The following PRAMEF20 variants were observed in gnomAD, a reference collection of about 807,000 sequenced individuals.
PRAMEF20 encodes the protein PRAME family member 20/21.
Under a neutral mutation model 32.4 loss-of-function variants are expected in PRAMEF20, and 27 were observed. The observed-to-expected ratio is 0.83, with a 90% CI of 0.61 to 1.15. PRAMEF20 has a LOEUF of 1.15. Ranked by LOEUF, PRAMEF20 falls within the 50% of genes most tolerant of loss-of-function variation. The pLI is 0.00. For missense variants in PRAMEF20, 604 were observed against 584.5 expected, an observed-to-expected ratio of 1.03 and a Z score of -0.34; for synonymous variants, 256 against 235.4, an observed-to-expected ratio of 1.09 and a Z score of -0.80.
chr1:13,413,674 T>G (rs2100429080), upstream of PRAMEF20, among the ~76,000 whole-genome samples: 1 of 152,194 alleles, frequency 6.6e-6, no homozygotes, highest in South Asian at 2.1e-4. Flanking sequence ...CAAGGTGTTT[T>G]CTGATTGGCA....
At chr1:13,411,112 C>T in the PRAMEF20 span, among the ~76,000 whole-genome samples, 1 of 152,292 alleles carries the variant, frequency 6.6e-6, no homozygotes, top group Non-Finnish European at 1.5e-5. Context: ...CCCACCTTGG[C>T]CTCCCAAAGT....
chr1:13,417,972 C>T (rs1641200229), intron 1 of PRAMEF20, 150 bp from the exon 3 acceptor site: 4 of 1,074,388 alleles, frequency 3.7e-6, no homozygotes, highest in East Asian at 5.5e-5. Flanking sequence ...GACGGGGTTT[C>T]ACCATGCTAG....
upstream of PRAMEF20, among the ~76,000 whole-genome samples, chr1:13,414,208 ATTT>A (rs149194621): frequency 0.012 from 1,528 of 123,190 alleles, 21 homozygotes; most frequent in African/African-American, 0.036. Context: ...CACCTGACTA[ATTT>A]TTTTTTTTTT....
chr1:13,414,616 G>A (rs914320350), upstream of PRAMEF20, among the ~76,000 whole-genome samples: 8 of 151,880 alleles, frequency 5.3e-5, no homozygotes, highest in South Asian at 2.1e-4. Flanking sequence ...ATGCCACCAC[G>A]CCCAGCTAAT....
At chr1:13,416,477 G>A (rs1299707271) in exon 1 of PRAMEF20, 2 of 1,614,102 alleles carry the variant, frequency 1.2e-6, no homozygotes, top group East Asian at 4.5e-5. Flanking sequence ...CATTGTTCAT[G>A]GAGGCCTTCA....
rs1206456194 is a variant in PRAMEF20 at position 13,418,161 on chromosome 1, TGA to T, written c.330_331del (p.Asn111LeufsTer7). The stretch of plus-strand genomic sequence containing the variant: ...AAGTGCTGGATTTACAGGATGTCAG[TGA>T]GAACTTCTGGATGGTTTGGTCTGAA... On this transcript the variant is annotated frameshift_variant, in exon 2 of 3. Coordinates refer to ENST00000602960, the Ensembl canonical transcript of PRAMEF20. LOFTEE classifies it high-confidence loss of function. 1.2e-6 allele frequency: 2 copies of T among 1,613,190 alleles called. No individual in the cohort carries two copies. The highest frequency in any genetic ancestry group is 4.5e-5 in the East Asian group (2 of 44,856).
At chr1:13,411,457 T>C (rs1641113509), upstream of PRAMEF20, among the ~76,000 whole-genome samples, 1 of 152,144 alleles carries the variant, frequency 6.6e-6, no homozygotes, top group African/African-American at 2.4e-5. Context: ...TAGAAGTCTC[T>C]ACATGCTAGC....
At chr1:13,415,554 G>A (rs1171547354), upstream of PRAMEF20, among the ~76,000 whole-genome samples, 2 of 152,130 alleles carry the variant, frequency 1.3e-5, no homozygotes, top group African/African-American at 4.8e-5. Flanking sequence ...GCCAAGGTGG[G>A]TGGATTGCTT....
At chr1:13,418,816 T>C in intron 2 of PRAMEF20, 116 bp downstream of exon 3, 1 of 1,556,894 alleles carries the variant, frequency 6.4e-7, no homozygotes, top group Non-Finnish European at 8.7e-7. Context: ...CACTAGAATG[T>C]CAGTGCATTT....
intron 1 of PRAMEF20, among the ~76,000 whole-genome samples, chr1:13,417,268 A>G (rs1302646668): frequency 2.0e-5 from 3 of 151,958 alleles, no homozygotes; most frequent in Non-Finnish European, 4.4e-5. Context: ...CTTTTTTTCA[A>G]TCATCCCCAC....
chr1:13,416,367 A>C, exon 1 of PRAMEF20: 1 of 1,612,668 alleles, frequency 6.2e-7, no homozygotes, highest in Non-Finnish European at 8.5e-7. Flanking sequence ...GAGCATCCGG[A>C]CTCCACCCAG....
At chr1:13,414,208 A>T (rs991049650), upstream of PRAMEF20, among the ~76,000 whole-genome samples, 13 of 123,278 alleles carry the variant, frequency 1.1e-4, no homozygotes, top group African/African-American at 3.6e-4. Context: ...CACCTGACTA[A>T]TTTTTTTTTT....
At chr1:13,415,071 T>C (rs1398084183), upstream of PRAMEF20, among the ~76,000 whole-genome samples, 3 of 152,096 alleles carry the variant, frequency 2.0e-5, no homozygotes, top group African/African-American at 4.8e-5. Flanking sequence ...CCTTATGCTC[T>C]ATCCAAAGTG....
upstream of PRAMEF20, among the ~76,000 whole-genome samples, chr1:13,411,500 G>A (rs1030262313): frequency 4.6e-5 from 7 of 151,996 alleles, no homozygotes; most frequent in African/African-American, 9.7e-5. Context: ...CTACAATTGC[G>A]GTTTTGTAAG....
the PRAMEF20 span, among the ~76,000 whole-genome samples, chr1:13,411,338 C>G: frequency 1.3e-4 from 20 of 151,838 alleles, no homozygotes; most frequent in Non-Finnish European, 2.5e-4. Context: ...GCCCCCTCCC[C>G]CCCACCGCCA....
chr1:13,421,047 A>AC lies in PRAMEF20; in HGVS notation c.1218dup (p.Cys408MetfsTer13), dbSNP rs1273568337. 3 of 1,613,758 alleles carry AC rather than the reference A, an allele frequency of 1.9e-6. No homozygotes were observed. The highest frequency in any genetic ancestry group is 2.5e-6 in the Non-Finnish European group (3 of 1,179,862). On this transcript the variant is annotated frameshift_variant, in exon 3 of 3. Transcript: ENST00000602960. LOFTEE classifies it high-confidence loss of function. The stretch of plus-strand genomic sequence containing the variant: ...CTGTGCCACACAATCAGACTCAACA[A>AC]CTTATGCCTGGAGCTGTATCCTGCC...
intron 2 of PRAMEF20, among the ~76,000 whole-genome samples, chr1:13,419,533 T>C (rs1641219567): frequency 6.6e-6 from 1 of 152,084 alleles, no homozygotes; most frequent in African/African-American, 2.4e-5. Context: ...GCCATTCTCC[T>C]GCTTCAGCCT....
chr1:13,413,548 A>G (rs1641133961), upstream of PRAMEF20, among the ~76,000 whole-genome samples: 1 of 151,918 alleles, frequency 6.6e-6, no homozygotes. Flanking sequence ...TATTTTTGGT[A>G]CAGATAGGGT....
upstream of PRAMEF20, among the ~76,000 whole-genome samples, chr1:13,414,705 T>TA (rs1021906404): frequency 3.4e-4 from 51 of 152,030 alleles, no homozygotes; most frequent in African/African-American, 1.2e-3. Context: ...CCTCAGGTGA[T>TA]ACACCCGCTG....
Sources: allele counts gnomAD v4.1 joint callset (sites outside exome capture counted in the v4.1 genomes callset), GRCh38; gene constraint gnomAD v4.1.1; transcripts MANE v1.5; gene names NCBI Gene and HGNC (gene_info 2026-07-23, HGNC 2026-07-21).